PRKG1: variants seen among roughly 807,000 people sequenced by gnomAD.
The protein encoded by PRKG1 is cGMP-dependent protein kinase 1.
PRKG1 carries 35 observed loss-of-function variants against 88.1 expected under a neutral mutation model. The ratio of observed to expected loss-of-function variants is 0.40; its 90% confidence interval spans 0.30 to 0.53. The LOEUF is 0.53. PRKG1 is among the 20% of genes least tolerant of loss of function. The probability of loss-of-function intolerance (pLI) is 0.59; values close to 1 mark genes in which losing one functional copy is unlikely to be tolerated. For missense variants in PRKG1, 540 were observed against 839.8 expected, an observed-to-expected ratio of 0.64 and a Z score of 4.41; for synonymous variants, 303 against 292.5, an observed-to-expected ratio of 1.04 and a Z score of -0.37.
At chr10:51,920,061 A>G (rs1305315076) in intron 5 of PRKG1, among the ~76,000 whole-genome samples, 40 of 152,174 alleles carry the variant, frequency 2.6e-4, no homozygotes, top group Admixed American at 2.6e-3. Flanking sequence ...TGCATCAAGG[A>G]CAGGGAGCAT....
At chr10:51,536,111 C>T (rs966509613) in intron 3 of PRKG1, among the ~76,000 whole-genome samples, 2 of 152,022 alleles carry the variant, frequency 1.3e-5, no homozygotes, top group Admixed American at 6.6e-5. Flanking sequence ...GGGTATGATA[C>T]TAATGCGACA....
intron 2 of PRKG1, among the ~76,000 whole-genome samples, chr10:51,431,049 T>C (rs1838754562): frequency 6.6e-6 from 1 of 152,092 alleles, no homozygotes; most frequent in African/African-American, 2.4e-5. Context: ...ACATAAATTG[T>C]ACAAATGGGC....
At chr10:51,113,540 T>C (rs537095703) in intron 1 of PRKG1, among the ~76,000 whole-genome samples, 2 of 152,248 alleles carry the variant, frequency 1.3e-5, no homozygotes, top group East Asian at 3.9e-4. Context: ...GTTCAGTGTT[T>C]TTAAATTGAC....
intron 9 of PRKG1, among the ~76,000 whole-genome samples, chr10:52,190,004 TG>T (rs747812754): frequency 3.3e-5 from 5 of 152,200 alleles, no homozygotes; most frequent in Non-Finnish European, 5.9e-5. Flanking sequence ...GGTTTATCTG[TG>T]TATTTATTGG....
At chr10:51,528,817 T>C (rs1314522442) in intron 3 of PRKG1, among the ~76,000 whole-genome samples, 2 of 151,950 alleles carry the variant, frequency 1.3e-5, no homozygotes, top group Non-Finnish European at 2.9e-5. Context: ...ATCAATCAAC[T>C]AGAGAGCATT....
intron 2 of PRKG1, among the ~76,000 whole-genome samples, chr10:51,242,029 T>A (rs535610805): frequency 6.7e-6 from 1 of 149,986 alleles, no homozygotes; most frequent in Non-Finnish European, 1.5e-5. Context: ...AACAAAAAGA[T>A]TGCTGAATAA....
In PRKG1 at chr10:51,698,291, G is replaced by A; in HGVS notation, c.593-106294G>A. On this transcript the variant is annotated intron_variant, in intron 3 of 17. Transcript: ENST00000373980. ...TAAGACCTCAGTTTCCATGGCACGA[G>A]TCTCCATCGCTCGAGAATCTCTACC... The A allele has an allele frequency of 1.9e-6, 3 of 1,614,092 alleles. No individual in the cohort carries two copies. Among genetic ancestry groups the A allele is most frequent in the Non-Finnish European group, 2.5e-6 (3 of 1,180,010 alleles).
At chr10:51,740,584 C>T (rs768276176) in intron 3 of PRKG1, among the ~76,000 whole-genome samples, 3 of 152,028 alleles carry the variant, frequency 2.0e-5, no homozygotes, top group Non-Finnish European at 4.4e-5. Flanking sequence ...GTTGTGATAT[C>T]GTGTAGCTTC....
Position 52,274,368 on chromosome 10 carries a change from T to G in PRKG1, c.1403+1887T>G, listed in dbSNP as rs1589751696. The stretch of plus-strand genomic sequence containing the variant: ...TAGCTCCCACATATCAGTGAGAACA[T>G]GTGATGTTTGGTTTTCCATTCTTGA... On this transcript the variant is annotated intron_variant, in intron 12 of 17. Coordinates refer to ENST00000373980, the MANE Select transcript of PRKG1 (RefSeq NM_006258.4). Among the ~76,000 whole-genome samples the G allele has an allele frequency of 2.0e-5, 3 of 151,200 alleles. No individual in the cohort carries two copies. In the South Asian group the frequency reaches 6.4e-4, roughly 32 times the overall value.
chr10:51,551,884 G>A (rs1837147784), intron 3 of PRKG1, among the ~76,000 whole-genome samples: 1 of 151,638 alleles, frequency 6.6e-6, no homozygotes, highest in Non-Finnish European at 1.5e-5. Context: ...ATTGTGCCTT[G>A]GCTCCAGCCT....
rs202137835 is a variant in PRKG1 at position 51,467,822 on chromosome 10, C to T, written c.578C>T (p.Thr193Ile). The T allele has an allele frequency of 6.2e-7, 1 of 1,611,236 alleles. No individual in the cohort carries two copies. Among genetic ancestry groups the T allele is most frequent in the Non-Finnish European group, 8.5e-7 (1 of 1,177,524 alleles). Residue 193 changes from threonine to isoleucine, a missense_variant, in exon 3 of 18, where the codon ACA (threonine) becomes ATA (isoleucine). By Grantham distance (89) the Thr-to-Ile change is moderately conservative. Coordinates refer to ENST00000373980, the MANE Select transcript of PRKG1 (RefSeq NM_006258.4). ...GCTATTCTTTACAACTGTACCCGGA[C>T]AGCGACCGTCAAGAGTAAGACTATT... ...ELAILYNCTR[T>I]ATVKTLVNVK...
At chr10:51,979,236 T>G (rs922701196) in intron 5 of PRKG1, among the ~76,000 whole-genome samples, 1 of 151,980 alleles carries the variant, frequency 6.6e-6, no homozygotes, top group South Asian at 2.1e-4. Context: ...TGTCTCTTGT[T>G]CTATTTATAT....
chr10:51,933,567 G>A (rs1842738002), intron 5 of PRKG1, among the ~76,000 whole-genome samples: 1 of 151,346 alleles, frequency 6.6e-6, no homozygotes, highest in African/African-American at 2.4e-5. Flanking sequence ...CAGAAATCCA[G>A]ATTTTTATGT....
chr10:51,638,035 C>A (rs1245081344), intron 3 of PRKG1, among the ~76,000 whole-genome samples: 1 of 152,128 alleles, frequency 6.6e-6, no homozygotes, highest in Admixed American at 6.5e-5. Context: ...GAGAGATCCC[C>A]AATTTGCCTA....
intron 2 of PRKG1, among the ~76,000 whole-genome samples, chr10:51,391,163 C>T (rs778093256): frequency 6.6e-5 from 10 of 152,086 alleles, no homozygotes; most frequent in Non-Finnish European, 1.2e-4. Context: ...GGGTAGAGTC[C>T]GAAACAGAAC....
At chr10:51,847,062 A>G (rs1840416570) in intron 4 of PRKG1, among the ~76,000 whole-genome samples, 1 of 152,174 alleles carries the variant, frequency 6.6e-6, no homozygotes, top group African/African-American at 2.4e-5. Context: ...TTCTAATAGC[A>G]GCTCAGCTGC....
intron 2 of PRKG1, among the ~76,000 whole-genome samples, chr10:51,445,498 A>G (rs1175554053): frequency 6.6e-6 from 1 of 151,974 alleles, no homozygotes; most frequent in Non-Finnish European, 1.5e-5. Context: ...AAAACTTGGT[A>G]TAATATGCCA....
chr10:51,169,850 A>G (rs9414844), intron 2 of PRKG1, among the ~76,000 whole-genome samples: 86,288 of 151,894 alleles, frequency 0.57, 26,530 homozygotes, highest in African/African-American at 0.83. Flanking sequence ...TCTGGCACGT[A>G]GGAGTGGCCG....
At chr10:51,699,423 CAACAG>C in intron 3 of PRKG1, 1 of 1,614,018 alleles carries the variant, frequency 6.2e-7, no homozygotes, top group Non-Finnish European at 8.5e-7. Flanking sequence ...CGGAAACTGA[CAACAG>C]AACCAACCTC....
Sources: allele counts gnomAD v4.1 joint callset (sites outside exome capture counted in the v4.1 genomes callset), GRCh38; gene constraint gnomAD v4.1.1; transcripts MANE v1.5; gene names NCBI Gene and HGNC (gene_info 2026-07-23, HGNC 2026-07-21).